The following ZNF724 variants were observed in gnomAD, a reference collection of about 807,000 sequenced individuals.
ZNF724 encodes zinc finger protein 724, also known as zinc finger protein 724 pseudogene.
In ZNF724, 14 loss-of-function variants were observed where a neutral mutation model predicts 29.3. The ratio of observed to expected loss-of-function variants is 0.48; its 90% CI spans 0.32 to 0.75. The LOEUF is 0.75. Ranked by LOEUF, ZNF724 falls within the 30% of genes least tolerant of loss-of-function variation. ZNF724 has a pLI of 0.04. For synonymous variants in ZNF724, 180 were observed against 193.6 expected (o/e 0.93, Z 0.58); for missense variants, 557 against 571.2 (o/e 0.98, Z 0.25).
intron 1 of ZNF724, among the ~76,000 whole-genome samples, chr19:23,249,031 AAAGAG>A (rs1972297965): frequency 2.1e-5 from 3 of 145,876 alleles, no homozygotes; most frequent in African/African-American, 4.9e-5. Flanking sequence ...AAGAAGAAGA[AAAGAG>A]GAGAGAAACA....
chr19:23,237,262 T>C (rs1396516140), intron 1 of ZNF724, among the ~76,000 whole-genome samples: 1 of 152,220 alleles, frequency 6.6e-6, no homozygotes, highest in Non-Finnish European at 1.5e-5. Flanking sequence ...TCTTGCATGG[T>C]CACATCACCC....
intron 1 of ZNF724, among the ~76,000 whole-genome samples, chr19:23,243,039 C>CAAAAAAA (rs762188669): frequency 8.9e-6 from 1 of 112,234 alleles, no homozygotes; most frequent in Non-Finnish European, 1.7e-5. Context: ...AACTCCATCT[C>CAAAAAAA]AAAAAAAAAA....
At chr19:23,242,265 GAGA>G (rs1972136960) in intron 1 of ZNF724, among the ~76,000 whole-genome samples, 1 of 152,172 alleles carries the variant, frequency 6.6e-6, no homozygotes, top group Admixed American at 6.5e-5. Context: ...GTCATGGACA[GAGA>G]AGATCAATAT....
intron 1 of ZNF724, among the ~76,000 whole-genome samples, chr19:23,243,952 T>TA (rs55768621): frequency 1.6e-4 from 23 of 141,904 alleles, no homozygotes; most frequent in Admixed American, 3.5e-4. Flanking sequence ...ATTAAATAAA[T>TA]AAAAAAAAAA....
chr19:23,245,149 T>C (rs950716903), intron 1 of ZNF724, among the ~76,000 whole-genome samples: 1 of 152,250 alleles, frequency 6.6e-6, no homozygotes, highest in Non-Finnish European at 1.5e-5. Context: ...ACATAGATTC[T>C]GCCCATTTTC....
At chr19:23,238,148 G>A (rs927440394) in intron 1 of ZNF724, among the ~76,000 whole-genome samples, 1 of 151,710 alleles carries the variant, frequency 6.6e-6, no homozygotes, top group Non-Finnish European at 1.5e-5. Flanking sequence ...GGCGGATCAC[G>A]AGGTCAGGAG....
In ZNF724 at chr19:23,230,028, A is replaced by G. The variant is rs62124121; in HGVS notation, c.226+1238T>C. Among the ~76,000 whole-genome samples, 1,111 of 152,332 alleles carry G rather than the reference A, an allele frequency of 7.3e-3. 6 individuals are homozygous for G. Among genetic ancestry groups the G allele is most frequent in the Non-Finnish European group, 0.012 (807 of 68,022 alleles). On this transcript the variant is annotated intron_variant, in intron 3 of 3. Coordinates refer to ENST00000418100, the MANE Select transcript of ZNF724 (RefSeq NM_001355404.2). Reference sequence around the variant, plus strand: ...CATTTAAACAGGTCTAAACTAATTAATATACTCAGTAAATTAGCAAAATAT... The same window carrying G: ...CATTTAAACAGGTCTAAACTAATTAGTATACTCAGTAAATTAGCAAAATAT...
rs773985905 is a variant in ZNF724, at chr19:23,222,789, C to G, written c.1456G>C (p.Ala486Pro). 1 of 1,415,192 alleles carries G rather than the reference C, an allele frequency of 7.1e-7. No individual in the cohort carries two copies. Among genetic ancestry groups the G allele is most frequent in the East Asian group, 2.3e-5 (1 of 42,616 alleles). The allele number at this position is 1,415,192 out of a possible 1,614,324, so 87.7% of individuals were successfully genotyped here. ...KPYKCEECGK[A>P]FNLSSHLTTH... The stretch of plus-strand genomic sequence containing the variant: ...GTAAGGTGTGAGGATAGGTTAAAAG[C>G]TTTGCCACATTCTTCACATTTGTAG... The change falls in exon 4 of 4, where the codon GCT (alanine) becomes CCT (proline). Residue 486 changes from alanine to proline, a missense_variant. Ala to Pro is a conservative substitution (Grantham distance 27). Transcript: ENST00000418100.
chr19:23,238,736 C>G (rs2145787301), intron 1 of ZNF724, among the ~76,000 whole-genome samples: 1 of 152,304 alleles, frequency 6.6e-6, no homozygotes, highest in Non-Finnish European at 1.5e-5. Context: ...TGGCGAAACC[C>G]TGTCTCTACT....
Position 23,224,543 on chromosome 19 carries a change from T to C in ZNF724, c.227-525A>G, listed in dbSNP as rs560439053. ...GTGAAAAATTTATAAATGAGTTAAG[T>C]GTGTACAGTGCCCCAGGAGGTGAGT... On this transcript the variant is annotated intron_variant, in intron 3 of 3. Coordinates refer to ENST00000418100, the MANE Select transcript of ZNF724 (RefSeq NM_001355404.2). Among the ~76,000 whole-genome samples the C allele has an allele frequency of 4.6e-5, 7 of 152,044 alleles. No homozygotes were observed. In the South Asian group the frequency reaches 1.5e-3, roughly 32 times the overall value.
At chr19:23,225,844 T>C (rs1478159111) in intron 3 of ZNF724, among the ~76,000 whole-genome samples, 2 of 152,018 alleles carry the variant, frequency 1.3e-5, no homozygotes, top group Non-Finnish European at 2.9e-5. Context: ...ATTTTACAGA[T>C]GAAAAATTTC....
Position 23,241,821 on chromosome 19 carries a change from C to G in ZNF724, c.3+8419G>C, listed in dbSNP as rs185753032. On this transcript the variant is annotated intron_variant, in intron 1 of 3. Coordinates refer to ENST00000418100, the MANE Select transcript of ZNF724 (RefSeq NM_001355404.2). Reference sequence around the variant, plus strand: ...TGGAAGCATTCCTTCTGAAAACTGGCACAAGATAAGGATGCCTTTTCTTAC... The same window carrying G: ...TGGAAGCATTCCTTCTGAAAACTGGGACAAGATAAGGATGCCTTTTCTTAC... Among the ~76,000 whole-genome samples, 205 of 152,280 alleles carry G rather than the reference C, an allele frequency of 1.3e-3. 1 individual carries two copies. Among genetic ancestry groups the G allele is most frequent in the South Asian group, 7.3e-3 (35 of 4,824 alleles).
intron 1 of ZNF724, among the ~76,000 whole-genome samples, chr19:23,237,046 T>G: frequency 6.6e-6 from 1 of 151,896 alleles, no homozygotes. Context: ...AGAGACAGGG[T>G]TTCACCATAT....
intron 1 of ZNF724, among the ~76,000 whole-genome samples, chr19:23,240,790 G>C (rs899712794): frequency 1.1e-4 from 17 of 150,258 alleles, no homozygotes; most frequent in Admixed American, 6.6e-5. Flanking sequence ...CCAGCACTTT[G>C]GGAGGCCGAG....
chr19:23,223,315 G>T lies in ZNF724; in HGVS notation c.930C>A (p.Tyr310Ter), dbSNP rs776646811. 1 of 771,428 alleles carries T rather than the reference G, an allele frequency of 1.3e-6. No homozygotes were observed. The highest frequency in any genetic ancestry group is 1.4e-5 in the South Asian group (1 of 73,330). 47.8% of individuals were successfully genotyped at this position (771,428 alleles called of 1,614,324 possible). ...AAGCTCTGCCACAATGTTCACATAT[G>T]TAGGGCTTCTCTCCAGCATGAATTA... ...HKIIHAGEKP[Y>*]ICEHCGRAFN... Residue 310 changes from tyrosine (Y) to a stop codon, truncating the protein, a stop_gained, in exon 4 of 4, where the codon TAC becomes TAA. Transcript: ENST00000418100. LOFTEE classifies it high-confidence loss of function.
chr19:23,240,371 G>C (rs1239905422), intron 1 of ZNF724, among the ~76,000 whole-genome samples: 1 of 151,710 alleles, frequency 6.6e-6, no homozygotes, highest in Non-Finnish European at 1.5e-5. Context: ...GTCGCACTCT[G>C]ACCAAAAAAT....
intron 1 of ZNF724, among the ~76,000 whole-genome samples, chr19:23,243,475 CAAAAAAAAAAAA>C (rs61241201): frequency 3.2e-5 from 1 of 31,218 alleles, no homozygotes; most frequent in Non-Finnish European, 5.5e-5. Context: ...GAGTCCATCT[CAAAAAAAAAAAA>C]AAAAAAAAAA....
chr19:23,224,119 T>C (rs1971778911), intron 3 of ZNF724, 101 bp from the exon 4 acceptor site: 1 of 541,750 alleles, frequency 1.8e-6, no homozygotes, highest in African/African-American at 1.9e-5. Context: ...ATAAACAAGA[T>C]TGCATAAGAA....
At chr19:23,249,231 C>A (rs545908016) in intron 1 of ZNF724, among the ~76,000 whole-genome samples, 1 of 138,770 alleles carries the variant, frequency 7.2e-6, no homozygotes, top group South Asian at 2.4e-4. Context: ...AATATTTTTG[C>A]AGAGACTGCC....
Sources: gnomAD v4.1 joint callset for allele counts (sites outside exome capture counted in the v4.1 genomes callset) on GRCh38, gnomAD v4.1.1 for gene constraint, MANE v1.5 for transcripts, NCBI Gene and HGNC (gene_info 2026-07-23, HGNC 2026-07-21) for gene names.